Variants in BCL2L14 observed in about 807,000 individuals in gnomAD.
BCL2L14 encodes BCL2 like 14.
A neutral mutation model predicts 35.3 loss-of-function variants in BCL2L14; 27 were observed. The observed-to-expected ratio is 0.76, with a 90% confidence interval of 0.56 to 1.05. The LOEUF (loss-of-function observed/expected upper bound fraction) is 1.05. Among genes scored for constraint, BCL2L14 ranks in the 50% least tolerant of loss-of-function variants. BCL2L14 has a pLI of 0.00. For synonymous variants in BCL2L14, 139 were observed against 145.9 expected (o/e 0.95, Z 0.34); for missense variants, 377 against 382.6 (o/e 0.99, Z 0.12).
chr12:12,058,253 C>CTTT (rs58296575), intron 2 of BCL2L14, among the ~76,000 whole-genome samples: 15 of 143,726 alleles, frequency 1.0e-4, no homozygotes, highest in East Asian at 4.3e-4. Flanking sequence ...TGCCCAGACT[C>CTTT]TTTTTTTTTT....
chr12:12,079,686 C>T lies in BCL2L14; in HGVS notation c.381C>T (p.Ser127=). The change falls in exon 2 of 6, where the codon AGC becomes AGT. Residue 127 remains serine (S), a synonymous_variant. Coordinates refer to ENST00000308721, the MANE Select transcript of BCL2L14 (RefSeq NM_138723.2). ...QRTLEYQDSH[S]QQWSRCLSNV... ...CGTTGGAATACCAAGATTCGCACAG[C>T]CAGCAGTGGTCCAGGTGTCTTTCTA... 1.9e-6 allele frequency: 3 copies of T among 1,614,222 alleles called. No individual in the cohort carries two copies. The highest frequency in any genetic ancestry group is 2.5e-6 in the Non-Finnish European group (3 of 1,180,046).
Position 12,071,134 on chromosome 12 carries a change from C to A in BCL2L14, c.-11C>A, listed in dbSNP as rs1415672185. On this transcript the variant is annotated 5_prime_UTR_variant, in exon 1 of 6. Transcript: ENST00000308721. ...GAAGAAATCACAGACAGCTTCCAGA[C>A]CAGGTAACACCAGGAGGCACCAGTC... The A allele has an allele frequency of 6.6e-6, 1 of 152,306 alleles. No individual in the cohort carries two copies. Among genetic ancestry groups the A allele is most frequent in the East Asian group, 1.9e-4 (1 of 5,168 alleles). The allele number at this position is 152,306 out of a possible 1,614,324, so 9.4% of individuals were successfully genotyped here. A position where few individuals can be genotyped will look rare whatever the true frequency, so the allele number is the denominator to read the frequency against.
intron 2 of BCL2L14, among the ~76,000 whole-genome samples, chr12:12,084,365 G>A (rs939801687): frequency 1.3e-5 from 2 of 152,166 alleles, no homozygotes; most frequent in Non-Finnish European, 2.9e-5. Context: ...GTTCAGCTGG[G>A]TTCATTGCTG....
chr12:12,072,950 G>A (rs974100440), intron 1 of BCL2L14, among the ~76,000 whole-genome samples: 3 of 151,794 alleles, frequency 2.0e-5, no homozygotes, highest in Non-Finnish European at 2.9e-5. Context: ...GCACTGGCGC[G>A]ATCATAGCTC....
chr12:12,087,422 G>A, intron 3 of BCL2L14, 36 bp downstream of exon 3: 1 of 1,601,546 alleles, frequency 6.2e-7, no homozygotes, highest in South Asian at 1.1e-5. Context: ...TGTTTGCCAG[G>A]CAGGGGCGCA....
intron 3 of BCL2L14, 116 bp from the exon 4 acceptor site, chr12:12,090,663 A>ATT: frequency 1.5e-6 from 1 of 646,894 alleles, no homozygotes; most frequent in Non-Finnish European, 2.6e-6. Context: ...AAAAAAAAGA[A>ATT]TTAGCATGCC....
intron 2 of BCL2L14, among the ~76,000 whole-genome samples, chr12:12,057,548 G>C (rs1282413389): frequency 3.9e-5 from 6 of 152,016 alleles, no homozygotes; most frequent in African/African-American, 1.4e-4. Flanking sequence ...ACCTGAGGTC[G>C]GGAGTTCGAG....
chr12:12,053,049 C>T (rs1948380357), intron 2 of BCL2L14, among the ~76,000 whole-genome samples: 1 of 152,164 alleles, frequency 6.6e-6, no homozygotes, highest in Admixed American at 6.5e-5. Flanking sequence ...TGGACAGTGT[C>T]CTTAGAATGA....
intron 4 of BCL2L14, among the ~76,000 whole-genome samples, chr12:12,093,794 GA>G (rs36147842): frequency 0.22 from 28,476 of 131,554 alleles, 3,196 homozygotes; most frequent in East Asian, 0.29. Context: ...CTCCATCTCA[GA>G]AAAAAAAAAA....
chr12:12,060,193 T>A (rs12427035), intron 2 of BCL2L14, among the ~76,000 whole-genome samples: 5 of 150,390 alleles, frequency 3.3e-5, no homozygotes, highest in African/African-American at 9.8e-5. Context: ...TTTCGTTCCA[T>A]GACTAGCCCT....
At position 12,093,272 on chromosome 12, in the gene BCL2L14, T is replaced by A. The variant is rs563934088; in HGVS notation, c.679-1392T>A. On this transcript the variant is annotated intron_variant, in intron 4 of 5. Transcript: ENST00000308721. Reference sequence around the variant, plus strand: ...CCCTGACCTCCATGCTCCCGTAGCATCCTGAAAAATGACTCGCATTTCCAA... The same window carrying A: ...CCCTGACCTCCATGCTCCCGTAGCAACCTGAAAAATGACTCGCATTTCCAA... Among the ~76,000 whole-genome samples, 8 of 152,180 alleles carry A rather than the reference T, an allele frequency of 5.3e-5. No individual in the cohort carries two copies. In the East Asian group the frequency reaches 1.5e-3, roughly 29 times the overall value.
chr12:12,075,891 T>C (rs1948770478), intron 1 of BCL2L14, among the ~76,000 whole-genome samples: 1 of 152,052 alleles, frequency 6.6e-6, no homozygotes, highest in East Asian at 1.9e-4. Flanking sequence ...CTCTGTCCCC[T>C]GTATTTCCTG....
In BCL2L14 at chr12:12,094,899, T is replaced by C. The variant is rs1161941342; in HGVS notation, c.914T>C (p.Phe305Ser). 2 of 1,614,030 alleles carry C rather than the reference T, an allele frequency of 1.2e-6. No homozygotes were observed. The highest frequency in any genetic ancestry group is 2.2e-5 in the South Asian group (2 of 91,086). The change falls in exon 5 of 6, where the codon TTC becomes TCC. Residue 305 changes from phenylalanine (F) to serine (S), a missense_variant. Physicochemically the swap from Phe to Ser is radical, Grantham distance 155 (BLOSUM62 -2). Transcript: ENST00000308721. The stretch of plus-strand genomic sequence containing the variant: ...GGCACCAAGTACCTGAAAGAGAACT[T>C]CTCGCCATGGATCCAGCAGCACGGT... Reference protein sequence around the residue: ...GFGTKYLKENFSPWIQQHGGW... With the variant: ...GFGTKYLKENSSPWIQQHGGW...
chr12:12,087,489 C>G, intron 3 of BCL2L14, 103 bp downstream of exon 3: 1 of 1,306,292 alleles, frequency 7.7e-7, no homozygotes, highest in Non-Finnish European at 1.1e-6. Flanking sequence ...TCTCCGCTGC[C>G]TGGACTGAGG....
intron 2 of BCL2L14, among the ~76,000 whole-genome samples, chr12:12,056,240 G>A (rs935845390): frequency 1.3e-5 from 2 of 152,016 alleles, no homozygotes; most frequent in Admixed American, 6.6e-5. Flanking sequence ...CGATAGTCCC[G>A]GATAAAATCT....
At chr12:12,054,947 CA>C (rs33941702) in intron 2 of BCL2L14, 6,209 of 135,654 alleles carry the variant, frequency 0.046, 158 homozygotes, top group Middle Eastern at 0.084. Flanking sequence ...GACTCCATCT[CA>C]AAAAAAAAAA....
At chr12:12,059,916 T>C (rs1339764543) in intron 2 of BCL2L14, among the ~76,000 whole-genome samples, 4 of 152,136 alleles carry the variant, frequency 2.6e-5, no homozygotes, top group African/African-American at 9.7e-5. Flanking sequence ...ATGCCTGATG[T>C]CCAGGCATTC....
At chr12:12,096,317 C>A (rs1949310491) in intron 5 of BCL2L14, 2 of 283,130 alleles carry the variant, frequency 7.1e-6, no homozygotes, top group East Asian at 1.8e-4. Context: ...AGCTAAAATA[C>A]CATAAATATG....
At chr12:12,063,037 C>A (rs976771227) in intron 2 of BCL2L14, among the ~76,000 whole-genome samples, 3 of 152,224 alleles carry the variant, frequency 2.0e-5, no homozygotes, top group Non-Finnish European at 4.4e-5. Context: ...TTTGAGCTCC[C>A]ATATAGATGC....
Sources: allele counts gnomAD v4.1 joint callset (sites outside exome capture counted in the v4.1 genomes callset), GRCh38; gene constraint gnomAD v4.1.1; transcripts MANE v1.5; gene names NCBI Gene and HGNC (gene_info 2026-07-23, HGNC 2026-07-21).